GARIN1A: variants seen among roughly 807,000 people sequenced by gnomAD.
The protein encoded by GARIN1A is Golgi-associated RAB2 interactor protein 1A.
the GARIN1A span, among the ~76,000 whole-genome samples, chr7:128,702,332 G>A: frequency 1.2e-4 from 18 of 152,264 alleles, no homozygotes; most frequent in South Asian, 3.1e-3. Flanking sequence ...TTATAGGTTT[G>A]TAACATATAT....
At chr7:128,701,941 C>T in the GARIN1A span, among the ~76,000 whole-genome samples, 1 of 152,076 alleles carries the variant, frequency 6.6e-6, no homozygotes, top group African/African-American at 2.4e-5. Flanking sequence ...ATAAGAATTA[C>T]AGTAAACTTC....
the GARIN1A span, among the ~76,000 whole-genome samples, chr7:128,677,291 A>G: frequency 6.6e-6 from 1 of 150,800 alleles, no homozygotes; most frequent in African/African-American, 2.4e-5. Flanking sequence ...GCGGATCACG[A>G]GGTCAGGAGA....
chr7:128,683,766 C>G, the GARIN1A span: 1 of 152,324 alleles, frequency 6.6e-6, no homozygotes, highest in East Asian at 1.9e-4. Flanking sequence ...CCAGGCCCAG[C>G]CTCGAGTCTG....
the GARIN1A span, chr7:128,672,267 G>C: frequency 1.4e-6 from 1 of 705,102 alleles, no homozygotes; most frequent in African/African-American, 1.8e-5. Flanking sequence ...CCCAGCCCTG[G>C]TGGACAGCCC....
chr7:128,676,423 A>ATG, the GARIN1A span, among the ~76,000 whole-genome samples: 93 of 148,788 alleles, frequency 6.3e-4, no homozygotes, highest in African/African-American at 1.9e-3. Context: ...TTTTCTGTAA[A>ATG]TGTGTGTGTG....
chr7:128,695,361 A>C, the GARIN1A span, among the ~76,000 whole-genome samples: 1 of 152,228 alleles, frequency 6.6e-6, no homozygotes, highest in East Asian at 1.9e-4. This position sits in a 1 kb window ranked among gnomAD's most constrained non-coding sequence, Gnocchi z 4.5. Flanking sequence ...CAGTTCCAAG[A>C]AAGTTTCAGC....
the GARIN1A span, among the ~76,000 whole-genome samples, chr7:128,679,010 G>A: frequency 2.7e-4 from 41 of 150,764 alleles, 1 homozygote; most frequent in East Asian, 6.7e-3. Context: ...ATATACTTAT[G>A]TAACGATTGT....
At chr7:128,688,020 T>C in the GARIN1A span, 1 of 145,174 alleles carries the variant, frequency 6.9e-6, no homozygotes, top group African/African-American at 2.7e-5. Context: ...CCACATACAA[T>C]CTTTTTTTTT....
chr7:128,682,941 CA>C, the GARIN1A span: 3 of 1,538,148 alleles, frequency 2.0e-6, no homozygotes, highest in Non-Finnish European at 2.6e-6. Context: ...TCAATAACCC[CA>C]AAATTCCCTG....
the GARIN1A span, among the ~76,000 whole-genome samples, chr7:128,689,687 G>A: frequency 2.0e-5 from 3 of 150,470 alleles, 1 homozygote; most frequent in Non-Finnish European, 4.4e-5. Context: ...CAGCCGCCCC[G>A]TCTGGGAAGT....
the GARIN1A span, among the ~76,000 whole-genome samples, chr7:128,688,454 G>A: frequency 6.6e-6 from 1 of 152,154 alleles, no homozygotes; most frequent in East Asian, 1.9e-4. Flanking sequence ...AATACAGGTG[G>A]AAGTTTTAGT....
At chr7:128,694,482 C>T in the GARIN1A span, among the ~76,000 whole-genome samples, 6 of 151,132 alleles carry the variant, frequency 4.0e-5, no homozygotes, top group Admixed American at 3.3e-4. Flanking sequence ...TGCAGTGAGT[C>T]GAGATTGTGC....
At chr7:128,679,754 C>T in the GARIN1A span, among the ~76,000 whole-genome samples, 3 of 152,188 alleles carry the variant, frequency 2.0e-5, no homozygotes, top group South Asian at 6.2e-4. Context: ...CTCTGAAGGT[C>T]AGCAGTTTTA....
At chr7:128,672,649 A>AAGGGGGG in the GARIN1A span, 1 of 122,760 alleles carries the variant, frequency 8.1e-6, no homozygotes, top group Non-Finnish European at 1.7e-5. Context: ...GCCCTGGGGG[A>AAGGGGGG]GGGGGGGGCG....
At chr7:128,680,548 TTTCC>T in the GARIN1A span, among the ~76,000 whole-genome samples, 3 of 148,984 alleles carry the variant, frequency 2.0e-5, no homozygotes, top group Non-Finnish European at 4.4e-5. Flanking sequence ...TAGTTTTCTT[TTTCC>T]TTTCTTTCTT....
chr7:128,677,816 A>T, the GARIN1A span: 2 of 1,612,830 alleles, frequency 1.2e-6, no homozygotes, highest in Non-Finnish European at 1.7e-6. Flanking sequence ...AAACAACAGT[A>T]AGTGGGCCTC....
chr7:128,672,662 G>T, the GARIN1A span: 1 of 531,938 alleles, frequency 1.9e-6, no homozygotes, highest in Non-Finnish European at 3.1e-6. Flanking sequence ...GGGGGGCGGG[G>T]GGACAAAGAA....
the GARIN1A span, among the ~76,000 whole-genome samples, chr7:128,707,216 ATGTATGTGTGTGTG>A: frequency 6.3e-5 from 3 of 47,370 alleles, no homozygotes; most frequent in African/African-American, 2.3e-4. Context: ...TATTGTGTGT[ATGTATGTGTGTGTG>A]TGTGTGTGTG....
the GARIN1A span, chr7:128,684,740 T>C: frequency 6.6e-6 from 1 of 152,048 alleles, no homozygotes; most frequent in Non-Finnish European, 1.5e-5. Context: ...GAGGAAGATA[T>C]TGACTGCCCA....
Sources: allele counts gnomAD v4.1 joint callset (sites outside exome capture counted in the v4.1 genomes callset), GRCh38; gene constraint gnomAD v4.1.1; non-coding constraint Gnocchi (gnomAD v3.1); transcripts MANE v1.5; gene names NCBI Gene and HGNC (gene_info 2026-07-23, HGNC 2026-07-21).